MACROD2: variants seen among roughly 807,000 people sequenced by gnomAD.
The protein encoded by MACROD2 is mono-ADP ribosylhydrolase 2, also known as ADP-ribose glycohydrolase MACROD2.
In MACROD2, 36 loss-of-function variants were observed where a neutral mutation model predicts 70.4. That is an observed-to-expected ratio of 0.51 (90% CI 0.39 to 0.68). MACROD2 has a LOEUF of 0.68. Ranked by LOEUF, MACROD2 falls within the 30% of genes least tolerant of loss-of-function variation. MACROD2 has a pLI of 0.00. For synonymous variants in MACROD2, 172 were observed against 178.8 expected, an observed-to-expected ratio of 0.96 and a Z score of 0.30; for missense variants, 496 against 538.4, an observed-to-expected ratio of 0.92 and a Z score of 0.78.
chr20:15,159,895 C>T (rs535484269), intron 5 of MACROD2, among the ~76,000 whole-genome samples: 8 of 151,824 alleles, frequency 5.3e-5, no homozygotes, highest in African/African-American at 1.9e-4. Flanking sequence ...GATCTTGGGG[C>T]GTTTGAGTTG....
At chr20:16,044,360 A>G (rs2067349288) in intron 16 of MACROD2, among the ~76,000 whole-genome samples, 3 of 152,080 alleles carry the variant, frequency 2.0e-5, no homozygotes, top group Non-Finnish European at 2.9e-5. Context: ...ACATTTCAAC[A>G]TAAGATTTGA....
chr20:15,476,734 C>T (rs1030066780), intron 7 of MACROD2, among the ~76,000 whole-genome samples: 5 of 152,242 alleles, frequency 3.3e-5, no homozygotes, highest in African/African-American at 1.2e-4. Context: ...AGCAAGATAT[C>T]CCTGTAAAGC....
At chr20:15,480,965 G>A (rs925665084) in intron 7 of MACROD2, among the ~76,000 whole-genome samples, 3 of 151,876 alleles carry the variant, frequency 2.0e-5, no homozygotes, top group African/African-American at 4.8e-5. Context: ...GTCTTCGTAA[G>A]TGGTCCCTTT....
chr20:14,962,982 C>T (rs1420680189), intron 5 of MACROD2, among the ~76,000 whole-genome samples: 1 of 152,170 alleles, frequency 6.6e-6, no homozygotes, highest in Non-Finnish European at 1.5e-5. Flanking sequence ...AGATGATTAG[C>T]ATGCCAGTCC....
intron 5 of MACROD2, among the ~76,000 whole-genome samples, chr20:14,976,779 G>A (rs2423890): frequency 6.6e-6 from 1 of 151,928 alleles, no homozygotes; most frequent in Non-Finnish European, 1.5e-5. Flanking sequence ...CCTTGCTGTG[G>A]TCCCATTTCC....
intron 4 of MACROD2, among the ~76,000 whole-genome samples, chr20:14,571,523 T>TATC (rs1980189753): frequency 6.6e-6 from 1 of 152,136 alleles, no homozygotes; most frequent in Admixed American, 6.6e-5. Context: ...GTTTATTGAG[T>TATC]ATCTATTATG....
chr20:14,739,533 T>G (rs1227733330), intron 5 of MACROD2, among the ~76,000 whole-genome samples: 1 of 142,662 alleles, frequency 7.0e-6, no homozygotes, highest in Non-Finnish European at 1.5e-5. Context: ...TAAAAACAAC[T>G]TATAAGACAA....
chr20:15,865,429 GCTTT>G (rs1601016626), intron 9 of MACROD2, among the ~76,000 whole-genome samples: 1 of 151,910 alleles, frequency 6.6e-6, no homozygotes, highest in Non-Finnish European at 1.5e-5. Flanking sequence ...TTTTTGAATT[GCTTT>G]CTATTAGCCA....
At position 14,325,466 on chromosome 20, in the gene MACROD2, T is replaced by C. The variant is rs2082717902; in HGVS notation, c.272-168013T>C. On this transcript the variant is annotated intron_variant, in intron 3 of 17. Transcript: ENST00000684519. ...ACATTGCTTTTTTTCAGTCTCTTTTTCCAGTGTTTTGCAGTAGAACAGGGT... is the reference window on the plus strand; with the variant it reads ...ACATTGCTTTTTTTCAGTCTCTTTTCCCAGTGTTTTGCAGTAGAACAGGGT... 7.5e-6 allele frequency: 10 copies of C among 1,329,426 alleles called. No homozygotes were observed. In the South Asian group the frequency reaches 1.5e-4, roughly 19 times the overall value. 82.4% of individuals were successfully genotyped at this position (1,329,426 alleles called of 1,614,324 possible).
intron 2 of MACROD2, among the ~76,000 whole-genome samples, chr20:14,044,161 T>C (rs780271035): frequency 6.6e-5 from 10 of 152,034 alleles, no homozygotes; most frequent in Admixed American, 1.3e-4. Flanking sequence ...TTTTTCCTTC[T>C]GGTGGGTTCG....
Position 15,054,234 on chromosome 20 carries a change from C to T in MACROD2, c.419-175706C>T, listed in dbSNP as rs76119434. Among the ~76,000 whole-genome samples, 1,040 of 152,282 alleles carry T rather than the reference C, an allele frequency of 6.8e-3. 10 individuals are homozygous for T. The highest frequency in any genetic ancestry group is 0.024 in the African/African-American group (1,000 of 41,556). On this transcript the variant is annotated intron_variant, in intron 5 of 17. Transcript: ENST00000684519. Reference sequence around the variant, plus strand: ...GTGGCAGGGTTTGAAAGGATTGACCCTGATTTTTAAAATAAATTCTACTGT... The same window carrying T: ...GTGGCAGGGTTTGAAAGGATTGACCTTGATTTTTAAAATAAATTCTACTGT...
chr20:14,610,695 T>A (rs1479609285), intron 4 of MACROD2, among the ~76,000 whole-genome samples: 1 of 152,120 alleles, frequency 6.6e-6, no homozygotes, highest in Non-Finnish European at 1.5e-5. Flanking sequence ...TTTTAATCAG[T>A]AAAGCCTAGC....
rs1192572897 is a variant in MACROD2, at chr20:14,620,459, A to G, written c.302-64384A>G. Reference sequence around the variant, plus strand: ...ATTCTAACCAATTCTGATAGGGAACATATTAGGATAAATTTCCAAAAGTTA... The same window carrying G: ...ATTCTAACCAATTCTGATAGGGAACGTATTAGGATAAATTTCCAAAAGTTA... On this transcript the variant is annotated intron_variant, in intron 4 of 17. Transcript: ENST00000684519. Among the ~76,000 whole-genome samples, 3 of 152,150 alleles carry G rather than the reference A, an allele frequency of 2.0e-5. No individual in the cohort carries two copies. The East Asian group carries it at 5.8e-4, about 29-fold the overall frequency.
chr20:15,669,667 A>G (rs1273510273), intron 8 of MACROD2, among the ~76,000 whole-genome samples: 1 of 152,222 alleles, frequency 6.6e-6, no homozygotes, highest in Non-Finnish European at 1.5e-5. Context: ...AACGGGTATC[A>G]TTAGGGAATT....
intron 5 of MACROD2, among the ~76,000 whole-genome samples, chr20:14,947,037 G>A (rs191779264): frequency 1.6e-4 from 25 of 152,222 alleles, no homozygotes; most frequent in East Asian, 3.9e-4. Context: ...CCAGATGGCC[G>A]GATACCTGGC....
At chr20:14,338,873 G>C (rs1281975035) in intron 3 of MACROD2, among the ~76,000 whole-genome samples, 1 of 152,158 alleles carries the variant, frequency 6.6e-6, no homozygotes, top group Non-Finnish European at 1.5e-5. Flanking sequence ...CTTTGTGCCC[G>C]TAAGTTTTCC....
chr20:15,070,793 C>T (rs1428836415), intron 5 of MACROD2, among the ~76,000 whole-genome samples: 1 of 152,002 alleles, frequency 6.6e-6, no homozygotes, highest in African/African-American at 2.4e-5. Context: ...TATAAGTTAC[C>T]CAGTCTCAGG....
intron 8 of MACROD2, among the ~76,000 whole-genome samples, chr20:15,820,702 G>C (rs1450407831): frequency 6.6e-6 from 1 of 152,070 alleles, no homozygotes; most frequent in Non-Finnish European, 1.5e-5. Flanking sequence ...TGAGAATTCT[G>C]CTAAGAAAAC....
intron 6 of MACROD2, among the ~76,000 whole-genome samples, chr20:15,326,246 A>G (rs2077927483): frequency 6.6e-6 from 1 of 152,106 alleles, no homozygotes; most frequent in Non-Finnish European, 1.5e-5. Context: ...TGCTAGTCTC[A>G]TATAACAATA....
Sources: gnomAD v4.1 joint callset for allele counts (sites outside exome capture counted in the v4.1 genomes callset) on GRCh38, gnomAD v4.1.1 for gene constraint, MANE v1.5 for transcripts, NCBI Gene and HGNC (gene_info 2026-07-23, HGNC 2026-07-21) for gene names.